The following MACROD2 variants were observed in gnomAD, a reference collection of about 807,000 sequenced individuals.
MACROD2 encodes the protein mono-ADP ribosylhydrolase 2, also known as ADP-ribose glycohydrolase MACROD2.
MACROD2 carries 36 observed loss-of-function variants against 70.4 expected under a neutral mutation model. The observed-to-expected ratio is 0.51, with a 90% CI of 0.39 to 0.68. MACROD2 has a LOEUF of 0.68. Ranked by LOEUF, MACROD2 falls within the 30% of genes least tolerant of loss-of-function variation. MACROD2 has a pLI of 0.00. For missense variants in MACROD2, 496 were observed against 538.4 expected (o/e 0.92, Z 0.78); for synonymous variants, 172 against 178.8 (o/e 0.96, Z 0.30).
At chr20:15,671,679 A>G (rs901297095) in intron 8 of MACROD2, among the ~76,000 whole-genome samples, 1 of 152,190 alleles carries the variant, frequency 6.6e-6, no homozygotes, top group African/African-American at 2.4e-5. Flanking sequence ...TTCATCAATA[A>G]TATGAGATGG....
At chr20:14,335,777 CA>C (rs370340767) in intron 3 of MACROD2, among the ~76,000 whole-genome samples, 16 of 152,152 alleles carry the variant, frequency 1.1e-4, no homozygotes, top group African/African-American at 3.9e-4. Context: ...TTGTGCTCTT[CA>C]AAAAATCAAA....
intron 3 of MACROD2, among the ~76,000 whole-genome samples, chr20:14,157,474 T>C (rs1458897360): frequency 6.6e-6 from 1 of 152,072 alleles, no homozygotes; most frequent in Non-Finnish European, 1.5e-5. Flanking sequence ...CCTACTCTAC[T>C]TTTGAAAATT....
chr20:15,368,354 T>C (rs1303708713), intron 6 of MACROD2, among the ~76,000 whole-genome samples: 3 of 152,098 alleles, frequency 2.0e-5, no homozygotes, highest in Non-Finnish European at 4.4e-5. Context: ...TTCTGAGAAG[T>C]TCCTTAGGGG....
At chr20:14,976,737 T>A (rs1171597602) in intron 5 of MACROD2, among the ~76,000 whole-genome samples, 1 of 152,092 alleles carries the variant, frequency 6.6e-6, no homozygotes, top group Non-Finnish European at 1.5e-5. Flanking sequence ...AATCATCACT[T>A]CCCAACTCTG....
intron 10 of MACROD2, among the ~76,000 whole-genome samples, chr20:15,905,239 A>G (rs767240708): frequency 3.3e-5 from 5 of 152,234 alleles, no homozygotes; most frequent in Non-Finnish European, 7.3e-5. Flanking sequence ...CTCGTTTCAC[A>G]GATGAGGAAA....
intron 5 of MACROD2, among the ~76,000 whole-genome samples, chr20:15,051,994 G>A (rs529977061): frequency 1.3e-5 from 2 of 152,146 alleles, no homozygotes; most frequent in Admixed American, 6.5e-5. Flanking sequence ...CTTGTGATCC[G>A]CCCGTCCCGG....
chr20:15,868,878 G>A (rs1238289211), intron 9 of MACROD2, among the ~76,000 whole-genome samples: 1 of 151,772 alleles, frequency 6.6e-6, no homozygotes, highest in Non-Finnish European at 1.5e-5. Context: ...CGAACTTCTG[G>A]GGCTCAAGGG....
intron 3 of MACROD2, among the ~76,000 whole-genome samples, chr20:14,419,914 G>A (rs994700704): frequency 6.6e-6 from 1 of 151,786 alleles, no homozygotes; most frequent in African/African-American, 2.4e-5. Flanking sequence ...TGTATCATGT[G>A]GATAAATCAC....
At chr20:16,011,930 A>G (rs1196748256) in intron 15 of MACROD2, among the ~76,000 whole-genome samples, 2 of 152,198 alleles carry the variant, frequency 1.3e-5, no homozygotes, top group Admixed American at 1.3e-4. Flanking sequence ...TGTGCCTTGC[A>G]TGGGCTGCAC....
chr20:15,266,105 C>T (rs2077292116), intron 6 of MACROD2, among the ~76,000 whole-genome samples: 1 of 152,152 alleles, frequency 6.6e-6, no homozygotes, highest in Admixed American at 6.5e-5. Context: ...ACATTGATTG[C>T]CCAGATGGTG....
At chr20:14,610,466 G>T (rs1464428717) in intron 4 of MACROD2, among the ~76,000 whole-genome samples, 1 of 151,814 alleles carries the variant, frequency 6.6e-6, no homozygotes, top group Non-Finnish European at 1.5e-5. Flanking sequence ...TTTTACCTGA[G>T]GTTTCTTTTT....
chr20:15,440,910 C>G (rs146487506), intron 7 of MACROD2, among the ~76,000 whole-genome samples: 2 of 152,246 alleles, frequency 1.3e-5, no homozygotes, highest in East Asian at 3.9e-4. Flanking sequence ...GCTCTGGCAA[C>G]CTAAGTTTTT....
At chr20:14,729,358 A>G (rs996210232) in intron 5 of MACROD2, among the ~76,000 whole-genome samples, 1 of 152,216 alleles carries the variant, frequency 6.6e-6, no homozygotes, top group East Asian at 1.9e-4. Context: ...TTTATCACGC[A>G]TGAAAAACAC....
chr20:14,875,038 T>C (rs142242305), intron 5 of MACROD2, among the ~76,000 whole-genome samples: 112 of 152,096 alleles, frequency 7.4e-4, no homozygotes, highest in African/African-American at 2.4e-3. Flanking sequence ...ACACTGAATT[T>C]TTAGACAAAA....
chr20:14,406,271 T>C (rs1351165652), intron 3 of MACROD2, among the ~76,000 whole-genome samples: 1 of 152,154 alleles, frequency 6.6e-6, no homozygotes, highest in Non-Finnish European at 1.5e-5. Flanking sequence ...TAGGTTTCTT[T>C]TTGAAGTATG....
chr20:15,175,475 A>G (rs2076454054), intron 5 of MACROD2, among the ~76,000 whole-genome samples: 1 of 152,210 alleles, frequency 6.6e-6, no homozygotes, highest in Non-Finnish European at 1.5e-5. Flanking sequence ...GCAAACTTTT[A>G]CAATGAATAT....
intron 5 of MACROD2, among the ~76,000 whole-genome samples, chr20:14,896,604 C>G (rs2073832780): frequency 6.6e-6 from 1 of 151,726 alleles, no homozygotes; most frequent in Non-Finnish European, 1.5e-5. Context: ...GGAAACAGAG[C>G]CTAAGAAGGT....
At chr20:15,854,734 T>C (rs1013028439) in intron 8 of MACROD2, among the ~76,000 whole-genome samples, 1 of 152,174 alleles carries the variant, frequency 6.6e-6, no homozygotes, top group African/African-American at 2.4e-5. Flanking sequence ...CAATTTCTTG[T>C]TCTTAATTAA....
chr20:15,943,058 T>C (rs1347701028), intron 12 of MACROD2, among the ~76,000 whole-genome samples: 1 of 152,148 alleles, frequency 6.6e-6, no homozygotes, highest in East Asian at 1.9e-4. Context: ...TAACTCTTGA[T>C]CTAGTTTCAG....
Sources: allele counts gnomAD v4.1 joint callset (sites outside exome capture counted in the v4.1 genomes callset), GRCh38; gene constraint gnomAD v4.1.1; transcripts MANE v1.5; gene names NCBI Gene and HGNC (gene_info 2026-07-23, HGNC 2026-07-21).